Variants in ARHGEF6 observed in about 807,000 individuals in gnomAD.
ARHGEF6 encodes the protein rho guanine nucleotide exchange factor 6.
In ARHGEF6, 9 loss-of-function variants were observed where a neutral mutation model predicts 70.3. The ratio of observed to expected loss-of-function variants is 0.13; its 90% CI spans 0.08 to 0.22. The LOEUF (loss-of-function observed/expected upper bound fraction) is 0.22. Among genes scored for constraint, ARHGEF6 ranks in the 10% least tolerant of loss-of-function variants. The pLI is 1.00. For synonymous variants in ARHGEF6, 201 were observed against 207.8 expected (o/e 0.97, Z 0.28); for missense variants, 470 against 563.0 (o/e 0.83, Z 1.67).
chrX:136,739,585 C>T (rs1283163151), intron 5 of ARHGEF6, among the ~76,000 whole-genome samples: 11 of 112,445 alleles, frequency 9.8e-5, no homozygotes, highest in African/African-American at 3.6e-4. Flanking sequence ...AAAATGTAAA[C>T]AGTAAATGAA....
intron 11 of ARHGEF6, among the ~76,000 whole-genome samples, chrX:136,686,699 TATATATATAC>T (rs1569394146): frequency 8.5e-4 from 33 of 39,037 alleles, no homozygotes; most frequent in East Asian, 1.6e-3. Context: ...TATATACACA[TATATATATAC>T]ATATATATAT....
chrX:136,714,879 G>A (rs374065241), intron 6 of ARHGEF6, among the ~76,000 whole-genome samples: 1 of 111,686 alleles, frequency 9.0e-6, no homozygotes, highest in African/African-American at 3.3e-5. Flanking sequence ...ACAGATAGGT[G>A]CTGGGTAAGT....
At position 136,780,659 on chromosome X, in the gene ARHGEF6, T is replaced by C; in HGVS notation, c.165+59A>G. 2.8e-6 allele frequency: 3 copies of C among 1,059,159 alleles called. No homozygotes were observed. In the South Asian group the frequency reaches 5.6e-5, roughly 20 times the overall value. The allele number at this position is 1,059,159 out of a possible 1,213,427, so 87.3% of individuals were successfully genotyped here. A position where few individuals can be genotyped will look rare whatever the true frequency, so the allele number is the denominator to read the frequency against. On this transcript the variant is annotated intron_variant, in intron 1 of 21. Transcript: ENST00000250617. Reference sequence around the variant, plus strand: ...TGGGAAATAGAAAAATCTCAAGAGTTACATGATTGCTGCTCTCTGGTGATA... The same window carrying C: ...TGGGAAATAGAAAAATCTCAAGAGTCACATGATTGCTGCTCTCTGGTGATA...
intron 12 of ARHGEF6, among the ~76,000 whole-genome samples, chrX:136,685,046 C>G (rs2076370551): frequency 8.9e-6 from 1 of 111,919 alleles, no homozygotes; most frequent in African/African-American, 3.3e-5. Context: ...CTAATTCTAC[C>G]TGACTCAATC....
At chrX:136,776,987 G>A (rs1221437375) in intron 2 of ARHGEF6, among the ~76,000 whole-genome samples, 3 of 112,176 alleles carry the variant, frequency 2.7e-5, no homozygotes, top group Non-Finnish European at 5.6e-5. Flanking sequence ...CACTTTGGGA[G>A]ACCCAGGCGG....
chrX:136,702,415 A>G (rs1197057036), intron 9 of ARHGEF6, among the ~76,000 whole-genome samples: 7 of 112,667 alleles, frequency 6.2e-5, no homozygotes, highest in Admixed American at 1.9e-4. Context: ...TTAACATGTG[A>G]ATTTTCTAAA....
intron 6 of ARHGEF6, among the ~76,000 whole-genome samples, chrX:136,718,973 G>C (rs1361648996): frequency 4.1e-5 from 4 of 98,713 alleles, no homozygotes; most frequent in Non-Finnish European, 8.0e-5. Context: ...GGCATTCTTG[G>C]AGTAAATTCC....
intron 6 of ARHGEF6, among the ~76,000 whole-genome samples, chrX:136,718,010 C>A (rs2076754840): frequency 1.8e-5 from 2 of 111,347 alleles, no homozygotes; most frequent in African/African-American, 3.3e-5. Flanking sequence ...ATTAATCCAC[C>A]TATATCAATA....
At chrX:136,732,329 A>G (rs374576059) in intron 5 of ARHGEF6, among the ~76,000 whole-genome samples, 157 bp from the exon 6 acceptor site, 2 of 112,242 alleles carry the variant, frequency 1.8e-5, no homozygotes, top group East Asian at 2.8e-4. Flanking sequence ...GCTAAACTAT[A>G]GATGGTCAAA....
At position 136,680,739 on chromosome X, in the gene ARHGEF6, C is replaced by T; in HGVS notation, c.1696G>A (p.Ala566Thr). 8.3e-7 allele frequency: 1 copy of T among 1,211,565 alleles called. No homozygotes were observed. The highest frequency in any genetic ancestry group is 1.1e-6 in the Non-Finnish European group (1 of 895,185). ...LSKTSSSSCS[A>T]HSSFSSTGQP... ...ACACATGGACTACTTACAGAATGAG[C>T]ACTACATGATGACGATGAGGTTTTG... The change falls in exon 15 of 22, where the codon GCT becomes ACT. Residue 566 changes from alanine (A) to threonine (T), a missense_variant. This residue lies in a region of ARHGEF6 where 379 missense variants were observed against 449.3 expected (regional missense o/e 0.84). Transcript: ENST00000250617.
rs765238713 is a variant in ARHGEF6, at chrX:136,720,505, GA to G, written c.733-7136del. ...TCTCAACTTGATAAAGAACAGCTACGAAAAAAAAAGGGAAAAAAAAGCTAAC... is the reference window on the plus strand; with the variant it reads ...TCTCAACTTGATAAAGAACAGCTACGAAAAAAAAGGGAAAAAAAAGCTAAC... On this transcript the variant is annotated intron_variant, in intron 6 of 21. Coordinates refer to ENST00000250617, the MANE Select transcript of ARHGEF6 (RefSeq NM_004840.3). Among the ~76,000 whole-genome samples, 591 of 99,984 alleles carry G rather than the reference GA, an allele frequency of 5.9e-3. 2 individuals carry two copies. Among genetic ancestry groups the G allele is most frequent in the African/African-American group, 0.021 (568 of 27,500 alleles). The allele number at this position is 99,984 out of a possible 115,157, so 86.8% of individuals were successfully genotyped here.
chrX:136,731,329 T>C (rs1276343352), intron 6 of ARHGEF6, among the ~76,000 whole-genome samples: 1 of 111,528 alleles, frequency 9.0e-6, no homozygotes, highest in African/African-American at 3.3e-5. Context: ...CAAACGCACA[T>C]AGAACACTGG....
chrX:136,755,561 C>G (rs2077197585), intron 2 of ARHGEF6, among the ~76,000 whole-genome samples: 1 of 111,461 alleles, frequency 9.0e-6, no homozygotes, highest in Non-Finnish European at 1.9e-5. Context: ...GTAAATAGCC[C>G]CACACAAAGA....
chrX:136,697,046 TA>T (rs2076520299), intron 9 of ARHGEF6, among the ~76,000 whole-genome samples: 1 of 110,010 alleles, frequency 9.1e-6, no homozygotes, highest in Non-Finnish European at 1.9e-5. Flanking sequence ...AGCCCAAGTG[TA>T]GGGTAGAGAG....
chrX:136,753,017 G>A (rs961065213), intron 2 of ARHGEF6, among the ~76,000 whole-genome samples: 1 of 111,864 alleles, frequency 8.9e-6, no homozygotes, highest in African/African-American at 3.3e-5. Context: ...CTGGCCCTGT[G>A]AACGTGATCT....
At chrX:136,736,777 G>A (rs149718628) in intron 5 of ARHGEF6, among the ~76,000 whole-genome samples, 1 of 111,035 alleles carries the variant, frequency 9.0e-6, no homozygotes. Flanking sequence ...AGCTTTGGCC[G>A]TAATTATCTC....
chrX:136,682,679 A>G, intron 13 of ARHGEF6, 79 bp downstream of exon 13: 1 of 768,828 alleles, frequency 1.3e-6, no homozygotes, highest in Non-Finnish European at 2.0e-6. Flanking sequence ...TTTTAATGCC[A>G]TAGTGGAGAT....
chrX:136,729,171 C>A (rs2076905480), intron 6 of ARHGEF6, among the ~76,000 whole-genome samples: 1 of 104,794 alleles, frequency 9.5e-6, no homozygotes, highest in South Asian at 4.4e-4. Flanking sequence ...AATGGAAGAG[C>A]ATAAGAACAG....
At chrX:136,769,233 G>A (rs1004843058) in intron 2 of ARHGEF6, among the ~76,000 whole-genome samples, 2 of 110,391 alleles carry the variant, frequency 1.8e-5, no homozygotes, top group Non-Finnish European at 1.9e-5. Flanking sequence ...CCAACAGGGC[G>A]AAACCCTGTC....
Sources: gnomAD v4.1 joint callset for allele counts (sites outside exome capture counted in the v4.1 genomes callset) on GRCh38, gnomAD v4.1.1 for gene constraint, gnomAD v4.1.1 regional missense constraint, MANE v1.5 for transcripts, NCBI Gene and HGNC (gene_info 2026-07-23, HGNC 2026-07-21) for gene names.